SLAIN1: variants seen among roughly 807,000 people sequenced by gnomAD.
SLAIN1 encodes the protein SLAIN family member 1.
SLAIN1 carries 17 observed loss-of-function variants against 55.4 expected under a neutral mutation model. That is an observed-to-expected ratio of 0.31 (90% CI 0.21 to 0.46). The LOEUF (loss-of-function observed/expected upper bound fraction) is 0.46. SLAIN1 is among the 20% of genes least tolerant of loss of function. SLAIN1 has a pLI of 1.00. For synonymous variants in SLAIN1, 348 were observed against 337.4 expected, an observed-to-expected ratio of 1.03 and a Z score of -0.35; for missense variants, 682 against 785.1, an observed-to-expected ratio of 0.87 and a Z score of 1.57.
chr13:77,759,028 A>G (rs1874815006), intron 5 of SLAIN1, among the ~76,000 whole-genome samples: 1 of 152,108 alleles, frequency 6.6e-6, no homozygotes, highest in Non-Finnish European at 1.5e-5. Flanking sequence ...TTTGGGCAGT[A>G]TGGTCATTTT....
intron 2 of SLAIN1, among the ~76,000 whole-genome samples, chr13:77,737,837 T>G (rs531271758): frequency 6.6e-6 from 1 of 152,100 alleles, no homozygotes; most frequent in Non-Finnish European, 1.5e-5. Context: ...TCTTCTGTAG[T>G]AGCTGGTCTT....
rs1314959581 is a variant in SLAIN1, at chr13:77,719,518, T to G, written c.627-14T>G. The G allele has an allele frequency of 6.2e-7, 1 of 1,602,302 alleles. No homozygotes were observed. The highest frequency in any genetic ancestry group is 8.5e-7 in the Non-Finnish European group (1 of 1,171,958). ...ACCTATATCATACCTATAATGTAGA[T>G]TTCTTTTTTTAAGGTTATACATTGG... On this transcript the variant is annotated splice_polypyrimidine_tract_variant and intron_variant, in intron 1 of 6. Transcript: ENST00000418532.
chr13:77,749,456 C>CT (rs1385569664), intron 4 of SLAIN1, among the ~76,000 whole-genome samples: 1 of 152,122 alleles, frequency 6.6e-6, no homozygotes, highest in African/African-American at 2.4e-5. Context: ...CCCCTGGAGC[C>CT]TGTGTTGCCT....
At chr13:77,726,047 T>G (rs2091304511) in intron 2 of SLAIN1, among the ~76,000 whole-genome samples, 1 of 152,230 alleles carries the variant, frequency 6.6e-6, no homozygotes, top group Admixed American at 6.5e-5. Flanking sequence ...TGACAACTTT[T>G]GACCCTGGAC....
chr13:77,723,606 CG>C (rs2091281483), intron 2 of SLAIN1, among the ~76,000 whole-genome samples: 1 of 152,112 alleles, frequency 6.6e-6, no homozygotes, highest in South Asian at 2.1e-4. Context: ...ATTTTAGCTT[CG>C]GGGTTGCTGT....
intron 1 of SLAIN1, among the ~76,000 whole-genome samples, chr13:77,700,873 T>TA (rs2091023755): frequency 6.6e-6 from 1 of 152,188 alleles, no homozygotes; most frequent in Non-Finnish European, 1.5e-5. Flanking sequence ...AACATAGATG[T>TA]AGGTATAAGG....
chr13:77,736,518 G>A (rs922196691), intron 2 of SLAIN1, among the ~76,000 whole-genome samples: 54 of 151,978 alleles, frequency 3.6e-4, no homozygotes, highest in Admixed American at 3.5e-3. Flanking sequence ...TACTCCTCAA[G>A]CTACAGCCCC....
At position 77,754,833 on chromosome 13, in the gene SLAIN1, T is replaced by G. The variant is rs538564039; in HGVS notation, c.1414+1475T>G. On this transcript the variant is annotated intron_variant, in intron 5 of 6. Transcript: ENST00000418532. ...GCTTGGGCCATCATTTATTTGATTTTCTGTTCCCAGTGCCTGACGTATTGC... is the reference window on the plus strand; with the variant it reads ...GCTTGGGCCATCATTTATTTGATTTGCTGTTCCCAGTGCCTGACGTATTGC... Among the ~76,000 whole-genome samples the G allele has an allele frequency of 9.3e-4, 141 of 152,334 alleles. 1 individual carries two copies. The highest frequency in any genetic ancestry group is 3.2e-3 in the African/African-American group (135 of 41,584).
rs373513964 is a variant in SLAIN1, at chr13:77,706,616, T to A, written c.626+8077T>A. 3.3e-5 allele frequency among the ~76,000 whole-genome samples: 5 copies of A among 152,322 alleles called. No homozygotes were observed. In the East Asian group the frequency reaches 7.7e-4, roughly 23 times the overall value. ...TGCATACTGCTGTTGCCATGGGAAC[T>A]CTTTCAGTTTCTTGGCAATGTGGAT... On this transcript the variant is annotated intron_variant, in intron 1 of 6. Transcript: ENST00000418532.
chr13:77,735,161 G>T (rs1219152530), intron 2 of SLAIN1, among the ~76,000 whole-genome samples: 6 of 151,978 alleles, frequency 3.9e-5, no homozygotes, highest in Non-Finnish European at 4.4e-5. Flanking sequence ...CCCATGAAAA[G>T]CCTGTTTATT....
intron 1 of SLAIN1, among the ~76,000 whole-genome samples, chr13:77,717,299 T>A (rs914761391): frequency 6.6e-6 from 1 of 152,110 alleles, no homozygotes; most frequent in African/African-American, 2.4e-5. Flanking sequence ...TTGTAATGTC[T>A]GATTTTGGTG....
intron 5 of SLAIN1, among the ~76,000 whole-genome samples, chr13:77,755,293 T>G (rs1852416057): frequency 6.6e-6 from 1 of 151,518 alleles, no homozygotes; most frequent in Admixed American, 6.6e-5. Context: ...CACTCCAGCC[T>G]GGGCAATAGA....
chr13:77,725,859 G>A (rs1168045470), intron 2 of SLAIN1, among the ~76,000 whole-genome samples: 1 of 152,154 alleles, frequency 6.6e-6, no homozygotes, highest in African/African-American at 2.4e-5. Flanking sequence ...GTAAGGGTTT[G>A]TCAAGGTTGG....
chr13:77,731,149 C>A (rs1334043636), intron 2 of SLAIN1, among the ~76,000 whole-genome samples: 51 of 151,806 alleles, frequency 3.4e-4, no homozygotes, highest in Admixed American at 3.2e-3. Context: ...TCAGGATGAA[C>A]TAAGATAGAT....
rs2154409062 is a variant in SLAIN1 at position 77,698,625 on chromosome 13, T to G, written c.626+86T>G. 7.6e-7 allele frequency: 1 copy of G among 1,309,628 alleles called. No individual in the cohort carries two copies. The highest frequency in any genetic ancestry group is 9.7e-7 in the Non-Finnish European group (1 of 1,033,538). The allele number at this position is 1,309,628 out of a possible 1,614,324, so 81.1% of individuals were successfully genotyped here. ...AGCGGGGGCGGGGGGCGGACGGGGG[T>G]CCCCTCGCGGCAGCCGGGGTGACTC... On this transcript the variant is annotated intron_variant, in intron 1 of 6. Coordinates refer to ENST00000418532, the MANE Select transcript of SLAIN1 (RefSeq NM_001242868.2). The surrounding 1 kb of genome is among the most constrained non-coding windows in gnomAD (Gnocchi z 4.1).
In SLAIN1 at chr13:77,703,869, G is replaced by A. The variant is rs189130176; in HGVS notation, c.626+5330G>A. Among the ~76,000 whole-genome samples, 61 of 140,876 alleles carry A rather than the reference G, an allele frequency of 4.3e-4. 1 individual carries two copies. Among genetic ancestry groups the A allele is most frequent in the African/African-American group, 1.5e-3 (57 of 37,988 alleles). 92.4% of individuals were successfully genotyped at this position (140,876 alleles called of 152,430 possible). A position where few individuals can be genotyped will look rare whatever the true frequency, so the allele number is the denominator to read the frequency against. The stretch of plus-strand genomic sequence containing the variant: ...AATTACCACATATTACTTTTCAGTG[G>A]CAGGTCTAAAAAAAAAAAATTATAT... On this transcript the variant is annotated intron_variant, in intron 1 of 6. Coordinates refer to ENST00000418532, the MANE Select transcript of SLAIN1 (RefSeq NM_001242868.2).
At chr13:77,760,463 A>G (rs1393071336) in intron 5 of SLAIN1, among the ~76,000 whole-genome samples, 1 of 152,088 alleles carries the variant, frequency 6.6e-6, no homozygotes, top group Non-Finnish European at 1.5e-5. Context: ...TCCTCATTTT[A>G]TTTTCTTGGA....
At chr13:77,763,044 C>G in intron 6 of SLAIN1, 101 bp from the exon 7 acceptor site, 1 of 956,134 alleles carries the variant, frequency 1.0e-6, no homozygotes, top group South Asian at 1.5e-5. Flanking sequence ...CTTCTCATTA[C>G]TGCAGTGGAA....
At chr13:77,746,009 T>A (rs146442374) in intron 3 of SLAIN1, among the ~76,000 whole-genome samples, 1,824 of 152,134 alleles carry the variant, frequency 0.012, 34 homozygotes, top group East Asian at 0.018. Context: ...ATTAGTAACA[T>A]AAAAGAACAA....
Sources: allele counts gnomAD v4.1 joint callset (sites outside exome capture counted in the v4.1 genomes callset), GRCh38; gene constraint gnomAD v4.1.1; non-coding constraint Gnocchi (gnomAD v3.1); transcripts MANE v1.5; gene names NCBI Gene and HGNC (gene_info 2026-07-23, HGNC 2026-07-21).